Variants in MAP3K21 observed in about 807,000 individuals in gnomAD.
MAP3K21 encodes mitogen-activated protein kinase kinase kinase 21.
MAP3K21 carries 63 observed loss-of-function variants against 86.1 expected under a neutral mutation model. The observed-to-expected ratio is 0.73, with a 90% CI of 0.60 to 0.90. MAP3K21 has a LOEUF of 0.90. Among genes scored for constraint, MAP3K21 ranks in the 40% least tolerant of loss-of-function variants. The pLI is 0.00. For synonymous variants in MAP3K21, 558 were observed against 564.8 expected, an observed-to-expected ratio of 0.99 and a Z score of 0.17; for missense variants, 1,220 against 1,367.7, an observed-to-expected ratio of 0.89 and a Z score of 1.70.
rs769202433 is a variant in MAP3K21 at position 233,376,455 on chromosome 1, A to T, written c.1852A>T (p.Ser618Cys). The T allele has an allele frequency of 1.4e-4, 225 of 1,613,308 alleles. No homozygotes were observed. Among genetic ancestry groups the T allele is most frequent in the Non-Finnish European group, 1.9e-4 (224 of 1,179,476 alleles). ...ERIRPLSDGN[S>C]PWSTILIKNQ... The stretch of plus-strand genomic sequence containing the variant: ...GATAAGACCTCTCTCCGATGGCAAC[A>T]GTCCTTGGTCAACTATCTTAATAAA... Residue 618 changes from serine (S) to cysteine (C), a missense_variant, in exon 8 of 10, where the codon AGT becomes TGT. This residue lies in a region of MAP3K21 where 632 missense variants were observed against 691.3 expected (regional missense o/e 0.91). Transcript: ENST00000366624.
intron 5 of MAP3K21, among the ~76,000 whole-genome samples, chr1:233,371,440 A>G (rs2102764002): frequency 6.6e-6 from 1 of 152,002 alleles, no homozygotes; most frequent in East Asian, 1.9e-4. Flanking sequence ...AGCTCACTGT[A>G]CCCTCCACCT....
intron 2 of MAP3K21, among the ~76,000 whole-genome samples, chr1:233,351,764 C>T (rs556297130): frequency 9.3e-5 from 14 of 151,196 alleles, no homozygotes; most frequent in African/African-American, 3.2e-4. Context: ...CTACATTTCA[C>T]ATTTTAAAAA....
chr1:233,354,924 G>T lies in MAP3K21; in HGVS notation c.1224G>T (p.Glu408Asp). 6.2e-7 allele frequency: 1 copy of T among 1,613,950 alleles called. No individual in the cohort carries two copies. Among genetic ancestry groups the T allele is most frequent in the Non-Finnish European group, 8.5e-7 (1 of 1,179,814 alleles). ...LTAIEGAVMT[E>D]MPQESFHSMQ... ...CTATTGAAGGGGCAGTGATGACTGA[G>T]ATGCCTCAAGAATCTTTTCATTCCA... is the stretch of plus-strand genomic sequence containing the variant. Residue 408 changes from glutamate to aspartate, a missense_variant, in exon 4 of 10, where the codon GAG (glutamate) becomes GAT (aspartate). Physicochemically the swap from Glu to Asp is conservative, Grantham distance 45 (BLOSUM62 2). Coordinates refer to ENST00000366624, the MANE Select transcript of MAP3K21 (RefSeq NM_032435.3).
intron 1 of MAP3K21, among the ~76,000 whole-genome samples, chr1:233,335,840 C>G (rs1662902150): frequency 6.6e-6 from 1 of 152,206 alleles, no homozygotes; most frequent in African/African-American, 2.4e-5. Context: ...GGAAAACCCC[C>G]ATATTTTCCC....
intron 5 of MAP3K21, among the ~76,000 whole-genome samples, chr1:233,364,011 C>G (rs994120657): frequency 4.1e-4 from 62 of 150,600 alleles, no homozygotes; most frequent in Non-Finnish European, 5.6e-4. Flanking sequence ...GAGACTCTGT[C>G]TCAAAAAAAA....
chr1:233,344,878 T>C (rs564918458), intron 1 of MAP3K21, among the ~76,000 whole-genome samples: 5 of 151,970 alleles, frequency 3.3e-5, no homozygotes, highest in Non-Finnish European at 7.4e-5. Context: ...CTTAAACAAA[T>C]TTACAAGAAA....
rs781027292 is a variant in MAP3K21, at chr1:233,328,116, ACC to A, written c.89_90del (p.Thr30IlefsTer18). On this transcript the variant is annotated frameshift_variant, in exon 1 of 10. Coordinates refer to ENST00000366624, the MANE Select transcript of MAP3K21 (RefSeq NM_032435.3). LOFTEE classifies it high-confidence loss of function. This position sits in a 1 kb window ranked among gnomAD's most constrained non-coding sequence, Gnocchi z 8.7. Reference protein sequence around the residue: ...APGGSASSSSTSSGGSASAGA... With the variant: ...APGGSASSSSXSSGGSASAGA... ...CGGCGGCTCAGCGTCCTCGTCGTCC[ACC>A]TCCTCGGGCGGCTCGGCCTCGGCGG... 1 of 1,394,280 alleles carries A rather than the reference ACC, an allele frequency of 7.2e-7. No homozygotes were observed. Among genetic ancestry groups the A allele is most frequent in the South Asian group, 1.6e-5 (1 of 63,308 alleles). 86.4% of individuals were successfully genotyped at this position (1,394,280 alleles called of 1,614,324 possible).
At chr1:233,352,232 A>G (rs1663263637) in intron 2 of MAP3K21, among the ~76,000 whole-genome samples, 2 of 152,164 alleles carry the variant, frequency 1.3e-5, no homozygotes, top group South Asian at 2.1e-4. Context: ...TATGGGGTAC[A>G]TAGTGATGTT....
Position 233,328,784 on chromosome 1 carries a change from T to A in MAP3K21, c.756T>A (p.His252Gln). 1 of 1,545,458 alleles carries A rather than the reference T, an allele frequency of 6.5e-7. No homozygotes were observed. The highest frequency in any genetic ancestry group is 8.7e-7 in the Non-Finnish European group (1 of 1,145,140). Residue 252 changes from histidine to glutamine, a missense_variant, in exon 1 of 10, where the codon CAT (histidine) becomes CAA (glutamine). His to Gln is a conservative substitution (Grantham distance 24, BLOSUM62 0). Around this residue, in one of 5 missense-constraint regions of MAP3K21, gnomAD observed 89 missense variants for 144.8 expected, o/e 0.61. Transcript: ENST00000366624. This position sits in a 1 kb window ranked among gnomAD's most constrained non-coding sequence, Gnocchi z 8.7. ...VQIARGMLYLHEEAFVPILHR... is the reference protein window; with the variant it reads ...VQIARGMLYLQEEAFVPILHR... ...TAGCGCGGGGCATGCTCTACCTGCATGAGGAGGCCTTCGTGCCCATCCTGC... is the reference window on the plus strand; with the variant it reads ...TAGCGCGGGGCATGCTCTACCTGCAAGAGGAGGCCTTCGTGCCCATCCTGC...
In MAP3K21 at chr1:233,328,206, C is replaced by A. The variant is rs765693174; in HGVS notation, c.178C>A (p.Arg60=). Residue 60 remains arginine (R), a synonymous_variant, in exon 1 of 10, where the codon CGG becomes AGG. Transcript: ENST00000366624. The surrounding 1 kb of genome is among the most constrained non-coding windows in gnomAD (Gnocchi z 8.7). ...TCGCGGCGAGGACGAGCTGAGCCTGCGGCGCGGCCAGCTGGTGGAGGTGCT... is the reference window on the plus strand; with the variant it reads ...TCGCGGCGAGGACGAGCTGAGCCTGAGGCGCGGCCAGCTGGTGGAGGTGCT... The part of the protein sequence containing the change: ...EARGEDELSL[R]RGQLVEVLSQ... 3.4e-6 allele frequency: 5 copies of A among 1,487,344 alleles called. No individual in the cohort carries two copies. Among genetic ancestry groups the A allele is most frequent in the South Asian group, 1.3e-5 (1 of 79,212 alleles). The allele number at this position is 1,487,344 out of a possible 1,614,324, so 92.1% of individuals were successfully genotyped here.
intron 5 of MAP3K21, among the ~76,000 whole-genome samples, chr1:233,367,284 C>T (rs1663595951): frequency 6.6e-6 from 1 of 152,208 alleles, no homozygotes; most frequent in Non-Finnish European, 1.5e-5. Flanking sequence ...TTAGAGAATA[C>T]ATTCCTTTTC....
At chr1:233,377,689 T>G (rs1418825070) in intron 8 of MAP3K21, among the ~76,000 whole-genome samples, 1 of 152,208 alleles carries the variant, frequency 6.6e-6, no homozygotes, top group Admixed American at 6.5e-5. Context: ...TAGGGATGGT[T>G]TCAGGATGAT....
intron 1 of MAP3K21, among the ~76,000 whole-genome samples, chr1:233,339,382 TCC>T (rs1491278037): frequency 2.7e-5 from 3 of 110,214 alleles, no homozygotes; most frequent in Admixed American, 1.2e-4. Context: ...CTCCTTCTTC[TCC>T]TTCTTCTCCT....
chr1:233,345,239 C>T (rs1029112968), intron 1 of MAP3K21, among the ~76,000 whole-genome samples: 1 of 152,126 alleles, frequency 6.6e-6, no homozygotes, highest in African/African-American at 2.4e-5. Flanking sequence ...TGGGTATATA[C>T]CCAAAGGATT....
At chr1:233,344,567 TA>T (rs1663098292) in intron 1 of MAP3K21, among the ~76,000 whole-genome samples, 1 of 152,148 alleles carries the variant, frequency 6.6e-6, no homozygotes, top group African/African-American at 2.4e-5. Flanking sequence ...TTACACCTTA[TA>T]CAAAAATCAA....
chr1:233,337,114 C>G (rs1355414460), intron 1 of MAP3K21, among the ~76,000 whole-genome samples: 1 of 152,204 alleles, frequency 6.6e-6, no homozygotes, highest in East Asian at 1.9e-4. Context: ...TGTCTGGGGT[C>G]GGCAAATTTC....
intron 4 of MAP3K21, among the ~76,000 whole-genome samples, chr1:233,357,099 T>C (rs1347938898): frequency 3.9e-5 from 6 of 152,166 alleles, no homozygotes; most frequent in Admixed American, 6.5e-5. Flanking sequence ...CAACTTCTTC[T>C]AAAGACATTT....
At chr1:233,350,446 G>T (rs951037357) in intron 2 of MAP3K21, among the ~76,000 whole-genome samples, 3 of 152,002 alleles carry the variant, frequency 2.0e-5, no homozygotes, top group African/African-American at 4.8e-5. Context: ...AGCAGGGCAG[G>T]TCATCTCTTT....
chr1:233,375,811 G>C (rs74728809), intron 6 of MAP3K21, 105 bp from the exon 7 acceptor site: 2 of 799,398 alleles, frequency 2.5e-6, no homozygotes, highest in Non-Finnish European at 4.0e-6. Flanking sequence ...CATGTTTTGA[G>C]TAAGGTAGTT....
Sources: gnomAD v4.1 joint callset for allele counts (sites outside exome capture counted in the v4.1 genomes callset) on GRCh38, gnomAD v4.1.1 for gene constraint, gnomAD v4.1.1 regional missense constraint, Gnocchi (gnomAD v3.1) non-coding constraint, MANE v1.5 for transcripts, NCBI Gene and HGNC (gene_info 2026-07-23, HGNC 2026-07-21) for gene names.